Variants in USP34 observed in about 807,000 individuals in gnomAD.
USP34 encodes ubiquitin carboxyl-terminal hydrolase 34.
A neutral mutation model predicts 460.3 loss-of-function variants in USP34; 70 were observed. The observed-to-expected ratio is 0.15, with a 90% CI of 0.13 to 0.19. USP34 has a LOEUF of 0.19. Among genes scored for constraint, USP34 ranks in the 10% least tolerant of loss-of-function variants. The probability of loss-of-function intolerance (pLI) is 1.00; values close to 1 mark genes in which losing one functional copy is unlikely to be tolerated. For missense variants in USP34, 3,985 were observed against 4,236.2 expected (o/e 0.94, Z 1.65); for synonymous variants, 1,647 against 1,405.3 (o/e 1.17, Z -3.85).
rs774625309 is a variant in USP34, at chr2:61,280,226, A to G, written c.5256+18T>C. The G allele has an allele frequency of 1.6e-5, 22 of 1,386,838 alleles. No individual in the cohort carries two copies. The highest frequency in any genetic ancestry group is 1.5e-5 in the African/African-American group (1 of 67,604). The allele number at this position is 1,386,838 out of a possible 1,614,324, so 85.9% of individuals were successfully genotyped here. A position where few individuals can be genotyped will look rare whatever the true frequency, so the allele number is the denominator to read the frequency against. ...AAGAAGAGAATACATAGAATAGTAT[A>G]TAATTTTCTGAACATACCTGACTAG... On this transcript the variant is annotated intron_variant, in intron 39 of 79. Coordinates refer to ENST00000398571, the MANE Select transcript of USP34 (RefSeq NM_014709.4).
chr2:61,190,904 T>C (rs1279801975), intron 76 of USP34: 3 of 361,080 alleles, frequency 8.3e-6, no homozygotes, highest in Non-Finnish European at 1.5e-5. Flanking sequence ...ATGCCGAAAC[T>C]GAACAAATGT....
intron 2 of USP34, 49 bp from the exon 3 acceptor site, chr2:61,406,177 AT>A: frequency 7.2e-7 from 1 of 1,383,044 alleles, no homozygotes. Context: ...CAGCAGCTGT[AT>A]TTTTTAATAA....
At chr2:61,340,201 TATTTA>T (rs1691547597) in intron 16 of USP34, among the ~76,000 whole-genome samples, 4 of 132,090 alleles carry the variant, frequency 3.0e-5, no homozygotes, top group Admixed American at 7.4e-5. Flanking sequence ...ATAATCCCTA[TATTTA>T]AAAAAAAACT....
chr2:61,315,824 T>C (rs900406420), intron 23 of USP34, among the ~76,000 whole-genome samples: 3 of 152,194 alleles, frequency 2.0e-5, no homozygotes, highest in African/African-American at 7.2e-5. Flanking sequence ...ACTTTAGTGT[T>C]AATGTCACCT....
Position 61,240,057 on chromosome 2 carries a change from AT to A in USP34, c.6777+1502del, listed in dbSNP as rs893925742. 2.3e-4 allele frequency among the ~76,000 whole-genome samples: 34 copies of A among 149,846 alleles called. 1 individual carries two copies. Among genetic ancestry groups the A allele is most frequent in the African/African-American group, 6.9e-4 (28 of 40,844 alleles). On this transcript the variant is annotated intron_variant, in intron 53 of 79. Coordinates refer to ENST00000398571, the MANE Select transcript of USP34 (RefSeq NM_014709.4). ...TTGATCCCAATATTACAAAAAAAAA[AT>A]TTTTTTTTTATCCAGATAGTAAAAG... is the stretch of plus-strand genomic sequence containing the variant.
chr2:61,393,154 C>T (rs912002882), intron 5 of USP34, among the ~76,000 whole-genome samples: 4 of 152,018 alleles, frequency 2.6e-5, no homozygotes, highest in Admixed American at 1.3e-4. Flanking sequence ...GCTCAGATCA[C>T]GCAAAGTGGC....
chr2:61,240,139 A>AT (rs1168340779), intron 53 of USP34, among the ~76,000 whole-genome samples: 4 of 151,918 alleles, frequency 2.6e-5, no homozygotes, highest in African/African-American at 9.7e-5. Context: ...TCTGGAGAAG[A>AT]TTTGCTTTTT....
intron 1 of USP34, among the ~76,000 whole-genome samples, chr2:61,440,358 G>A (rs1042973139): frequency 6.6e-6 from 1 of 152,114 alleles, no homozygotes; most frequent in Admixed American, 6.6e-5. Flanking sequence ...GAGGAAGCAG[G>A]TCAATGGCTG....
intron 8 of USP34, among the ~76,000 whole-genome samples, chr2:61,370,907 A>G (rs1169638110): frequency 2.0e-5 from 3 of 152,224 alleles, no homozygotes; most frequent in Admixed American, 1.3e-4. Flanking sequence ...CACAGTATGT[A>G]TTGAAGCACT....
rs904819743 is a variant in USP34 at position 61,450,740 on chromosome 2, A to G, written c.43+19910T>C. Reference sequence around the variant, plus strand: ...GAACCTACATAAAGGGGAAAAATATAAAACGTCAAAAAGAAACAAAAATTA... The same window carrying G: ...GAACCTACATAAAGGGGAAAAATATGAAACGTCAAAAAGAAACAAAAATTA... On this transcript the variant is annotated intron_variant, in intron 1 of 79. Transcript: ENST00000398571. 3.9e-5 allele frequency among the ~76,000 whole-genome samples: 6 copies of G among 152,182 alleles called. No homozygotes were observed. The East Asian group carries it at 7.7e-4, about 19-fold the overall frequency.
intron 75 of USP34, chr2:61,194,353 C>T (rs1686731861): frequency 1.0e-6 from 1 of 966,546 alleles, no homozygotes; most frequent in African/African-American, 1.8e-5. Context: ...GTCATCACAT[C>T]TGTGGCTATA....
intron 72 of USP34, among the ~76,000 whole-genome samples, chr2:61,205,053 T>A (rs1285914441): frequency 6.6e-6 from 1 of 152,096 alleles, no homozygotes; most frequent in Non-Finnish European, 1.5e-5. Context: ...AGATGAGGTC[T>A]TGCTATGTTG....
At position 61,405,868 on chromosome 2, in the gene USP34, A is replaced by T; in HGVS notation, c.392T>A (p.Ile131Asn). 1 of 1,613,786 alleles carries T rather than the reference A, an allele frequency of 6.2e-7. No homozygotes were observed. Among genetic ancestry groups the T allele is most frequent in the Non-Finnish European group, 8.5e-7 (1 of 1,179,938 alleles). Residue 131 changes from isoleucine to asparagine, a missense_variant, in exon 3 of 80, where the codon ATT becomes AAT. Physicochemically the swap from Ile to Asn is moderately radical, Grantham distance 149. Coordinates refer to ENST00000398571, the MANE Select transcript of USP34 (RefSeq NM_014709.4). ...SIEKKSNSTR[I>N]CNLTEEESSK... ...AGATTCCTCCTCAGTCAGATTACAA[A>T]TTCTTGTAGAGTTTGATTTTTTTTC...
Position 61,235,914 on chromosome 2 carries a change from GA to G in USP34, c.6967-5del, listed in dbSNP as rs1274036215. 4.3e-6 allele frequency: 7 copies of G among 1,611,444 alleles called. No individual in the cohort carries two copies. The Admixed American group carries it at 1.0e-4, about 23-fold the overall frequency. On this transcript the variant is annotated splice_region_variant and splice_polypyrimidine_tract_variant and intron_variant, in intron 56 of 79. Coordinates refer to ENST00000398571, the MANE Select transcript of USP34 (RefSeq NM_014709.4). Reference sequence around the variant, plus strand: ...CAATCCACTGAAGCATCGTGGGCTAGAAAAGAAAAGTCAGTCAAAGCATATG... The same window carrying G: ...CAATCCACTGAAGCATCGTGGGCTAGAAAGAAAAGTCAGTCAAAGCATATG...
At chr2:61,223,845 T>C (rs981594730) in intron 62 of USP34, among the ~76,000 whole-genome samples, 2 of 152,128 alleles carry the variant, frequency 1.3e-5, no homozygotes, top group African/African-American at 4.8e-5. Flanking sequence ...TTTTATAACT[T>C]ATAAAAATTT....
At chr2:61,388,289 A>T (rs1693230556) in intron 5 of USP34, among the ~76,000 whole-genome samples, 1 of 152,070 alleles carries the variant, frequency 6.6e-6, no homozygotes, top group East Asian at 1.9e-4. Context: ...AATCCATTAG[A>T]AATCTATAAA....
chr2:61,448,648 G>C (rs559422316), intron 1 of USP34, among the ~76,000 whole-genome samples: 6 of 152,088 alleles, frequency 3.9e-5, no homozygotes, highest in African/African-American at 1.4e-4. Flanking sequence ...TCCATCCATA[G>C]ATGACATACA....
chr2:61,454,029 G>A (rs1695359924), intron 1 of USP34, among the ~76,000 whole-genome samples: 1 of 152,116 alleles, frequency 6.6e-6, no homozygotes, highest in South Asian at 2.1e-4. Flanking sequence ...CATATTCACA[G>A]AAGACAGCTA....
chr2:61,350,857 A>G (rs1209646545), intron 10 of USP34, among the ~76,000 whole-genome samples, 164 bp from the exon 11 acceptor site: 2 of 152,226 alleles, frequency 1.3e-5, no homozygotes, highest in Non-Finnish European at 2.9e-5. Flanking sequence ...GCAGTGCATA[A>G]AACAGTAAAA....
Sources: allele counts gnomAD v4.1 joint callset (sites outside exome capture counted in the v4.1 genomes callset), GRCh38; gene constraint gnomAD v4.1.1; transcripts MANE v1.5; gene names NCBI Gene and HGNC (gene_info 2026-07-23, HGNC 2026-07-21).